The following CRPPA variants were observed in gnomAD, a reference collection of about 807,000 sequenced individuals.
The protein encoded by CRPPA is D-ribitol-5-phosphate cytidylyltransferase.
A neutral mutation model predicts 52.0 loss-of-function variants in CRPPA; 43 were observed. The ratio of observed to expected loss-of-function variants is 0.83; its 90% CI spans 0.65 to 1.07. The LOEUF is 1.07. Among genes scored for constraint, CRPPA ranks in the 50% least tolerant of loss-of-function variants. The pLI is 0.00. For missense variants in CRPPA, 629 were observed against 551.7 expected, an observed-to-expected ratio of 1.14 and a Z score of -1.40; for synonymous variants, 250 against 203.5, an observed-to-expected ratio of 1.23 and a Z score of -1.94.
chr7:16,120,829 A>G (rs1048533453), intron 9 of CRPPA, among the ~76,000 whole-genome samples: 1 of 151,732 alleles, frequency 6.6e-6, no homozygotes, highest in African/African-American at 2.4e-5. Context: ...AAGCAAAGCA[A>G]CATGACTAAT....
Position 16,090,018 on chromosome 7 carries a change from T to G in CRPPA, c.*1677A>C, listed in dbSNP as rs1528136. The G allele has an allele frequency of 6.6e-6, 1 of 152,604 alleles. No individual in the cohort carries two copies. Among genetic ancestry groups the G allele is most frequent in the Admixed American group, 6.5e-5 (1 of 15,340 alleles). The allele number at this position is 152,604 out of a possible 1,614,324, so 9.5% of individuals were successfully genotyped here. On this transcript the variant is annotated 3_prime_UTR_variant, in exon 10 of 10. Coordinates refer to ENST00000407010, the MANE Select transcript of CRPPA (RefSeq NM_001101426.4). Reference sequence around the variant, plus strand: ...CTTCAACAGGTGCATGTTGGGGACTTGGCAGCTGTGGTTTTCGTCACACAC... The same window carrying G: ...CTTCAACAGGTGCATGTTGGGGACTGGGCAGCTGTGGTTTTCGTCACACAC...
At chr7:16,116,014 C>G (rs1782364034) in intron 9 of CRPPA, among the ~76,000 whole-genome samples, 1 of 152,042 alleles carries the variant, frequency 6.6e-6, no homozygotes, top group Non-Finnish European at 1.5e-5. Flanking sequence ...ATAAAGGTTT[C>G]CAACAAGAAT....
intron 9 of CRPPA, among the ~76,000 whole-genome samples, chr7:16,135,773 T>C (rs1353328993): frequency 1.3e-5 from 2 of 152,158 alleles, no homozygotes; most frequent in African/African-American, 4.8e-5. Context: ...AACAAAGCAA[T>C]TTCCATATGA....
chr7:16,367,777 T>C (rs907992424), intron 3 of CRPPA, among the ~76,000 whole-genome samples: 5 of 152,196 alleles, frequency 3.3e-5, no homozygotes, highest in Non-Finnish European at 5.9e-5. Context: ...GCGACGGGAA[T>C]CTTTAAAAAT....
At chr7:16,284,223 T>C (rs1040870047) in intron 5 of CRPPA, among the ~76,000 whole-genome samples, 3 of 152,088 alleles carry the variant, frequency 2.0e-5, no homozygotes, top group Non-Finnish European at 4.4e-5. Context: ...AAGTGACCTC[T>C]GCTATTAGTG....
intron 1 of CRPPA, among the ~76,000 whole-genome samples, chr7:16,412,061 T>C (rs1247603266): frequency 1.3e-5 from 2 of 152,184 alleles, no homozygotes; most frequent in Admixed American, 6.5e-5. Flanking sequence ...TTTTACTAGA[T>C]TGCCTTAAAA....
intron 1 of CRPPA, among the ~76,000 whole-genome samples, chr7:16,419,522 G>C (rs1788277228): frequency 6.6e-6 from 1 of 151,628 alleles, no homozygotes; most frequent in South Asian, 2.1e-4. Context: ...AGAAATTACA[G>C]TTTAGGGGTC....
intron 3 of CRPPA, among the ~76,000 whole-genome samples, chr7:16,353,557 T>C (rs1583542351): frequency 6.6e-6 from 1 of 152,038 alleles, no homozygotes; most frequent in Non-Finnish European, 1.5e-5. Context: ...TAAATTTTAA[T>C]TTAATTTGTT....
At chr7:16,248,586 G>C (rs1783345430) in intron 8 of CRPPA, among the ~76,000 whole-genome samples, 1 of 152,182 alleles carries the variant, frequency 6.6e-6, no homozygotes, top group African/African-American at 2.4e-5. Context: ...TTGGGAAATA[G>C]TGAGACAACT....
intron 9 of CRPPA, among the ~76,000 whole-genome samples, chr7:16,171,219 T>C (rs1781178554): frequency 6.6e-6 from 1 of 152,230 alleles, no homozygotes; most frequent in African/African-American, 2.4e-5. Flanking sequence ...ATAGCAAACA[T>C]TTAAAATGTT....
chr7:16,148,965 A>C lies in CRPPA; in HGVS notation c.1252-57166T>G, dbSNP rs560670708. ...ATTATGTATTAACTAAATATGAAGAAACTGTATAAAACCTCCACAAAAACT... is the reference window on the plus strand; with the variant it reads ...ATTATGTATTAACTAAATATGAAGACACTGTATAAAACCTCCACAAAAACT... On this transcript the variant is annotated intron_variant, in intron 9 of 9. Coordinates refer to ENST00000407010, the MANE Select transcript of CRPPA (RefSeq NM_001101426.4). Among the ~76,000 whole-genome samples the C allele has an allele frequency of 2.4e-4, 36 of 152,302 alleles. 2 individuals carry two copies. The South Asian group carries it at 5.6e-3, about 24-fold the overall frequency.
Position 16,236,655 on chromosome 7 carries a change from T to C in CRPPA, c.1120-20458A>G, listed in dbSNP as rs559899140. ...AGATCTTAATCCTAAGGCAACAGCA[T>C]ATAAGCCTGGTAATATTCTTACCAT... On this transcript the variant is annotated intron_variant, in intron 8 of 9. Coordinates refer to ENST00000407010, the MANE Select transcript of CRPPA (RefSeq NM_001101426.4). Among the ~76,000 whole-genome samples, 11 of 152,256 alleles carry C rather than the reference T, an allele frequency of 7.2e-5. 1 individual carries two copies. Among genetic ancestry groups the C allele is most frequent in the African/African-American group, 2.4e-4 (10 of 41,558 alleles).
intron 3 of CRPPA, among the ~76,000 whole-genome samples, chr7:16,345,104 T>C (rs1416526484): frequency 6.6e-6 from 1 of 152,104 alleles, no homozygotes; most frequent in Non-Finnish European, 1.5e-5. Flanking sequence ...ATCTTGAAAG[T>C]AGTAAGAGCT....
chr7:16,398,953 T>C (rs1787704263), intron 2 of CRPPA, among the ~76,000 whole-genome samples: 1 of 152,196 alleles, frequency 6.6e-6, no homozygotes, highest in South Asian at 2.1e-4. Context: ...CATCACGTAA[T>C]CAACACGTGA....
intron 6 of CRPPA, among the ~76,000 whole-genome samples, chr7:16,264,399 T>C (rs1395644593): frequency 6.6e-6 from 1 of 152,182 alleles, no homozygotes; most frequent in Non-Finnish European, 1.5e-5. Context: ...AAACTTTCCT[T>C]ACATCATAAC....
intron 8 of CRPPA, among the ~76,000 whole-genome samples, chr7:16,216,798 G>A (rs1355471426): frequency 3.3e-5 from 5 of 152,210 alleles, no homozygotes; most frequent in Admixed American, 2.0e-4. Context: ...CTACGCCCAC[G>A]GAGTCTCACT....
intron 9 of CRPPA, among the ~76,000 whole-genome samples, chr7:16,092,959 T>C (rs139344065): frequency 6.6e-6 from 1 of 152,308 alleles, no homozygotes; most frequent in African/African-American, 2.4e-5. Context: ...TCCCACACCC[T>C]TTCTAGCTTA....
chr7:16,240,998 T>A (rs1783092100), intron 8 of CRPPA, among the ~76,000 whole-genome samples: 1 of 152,164 alleles, frequency 6.6e-6, no homozygotes, highest in Non-Finnish European at 1.5e-5. Context: ...ATTTTTACTT[T>A]TTCCATGCTA....
At chr7:16,157,371 G>A (rs779080425) in intron 9 of CRPPA, among the ~76,000 whole-genome samples, 16 of 151,980 alleles carry the variant, frequency 1.1e-4, no homozygotes, top group Non-Finnish European at 1.9e-4. Flanking sequence ...AGTCCGTATT[G>A]ATTAGGATAA....
Sources: gnomAD v4.1 joint callset for allele counts (sites outside exome capture counted in the v4.1 genomes callset) on GRCh38, gnomAD v4.1.1 for gene constraint, MANE v1.5 for transcripts, NCBI Gene and HGNC (gene_info 2026-07-23, HGNC 2026-07-21) for gene names.